The following FBXO36 variants were observed in gnomAD, a reference collection of about 807,000 sequenced individuals.
The protein encoded by FBXO36 is F-box only protein 36.
FBXO36 carries 18 observed loss-of-function variants against 17.0 expected under a neutral mutation model. The observed-to-expected ratio is 1.06, with a 90% CI of 0.73 to 1.57. FBXO36 has a LOEUF of 1.57. FBXO36 is among the 40% of genes most tolerant of loss of function. FBXO36 has a pLI of 0.00. For missense variants in FBXO36, 229 were observed against 221.9 expected, an observed-to-expected ratio of 1.03 and a Z score of -0.20; for synonymous variants, 83 against 85.3, an observed-to-expected ratio of 0.97 and a Z score of 0.15.
At chr2:229,971,991 CT>C (rs918029152) in intron 1 of FBXO36, among the ~76,000 whole-genome samples, 117 of 104,048 alleles carry the variant, frequency 1.1e-3, no homozygotes, top group African/African-American at 1.6e-3. Context: ...GTATCCAATT[CT>C]TTTTTTTTTT....
intron 2 of FBXO36, among the ~76,000 whole-genome samples, chr2:229,996,259 C>A (rs2077326659): frequency 6.6e-6 from 1 of 151,276 alleles, no homozygotes; most frequent in Non-Finnish European, 1.5e-5. Flanking sequence ...GCCTGGGCGA[C>A]CCCATCTAAA....
chr2:229,927,479 C>T (rs1269151169), intron 1 of FBXO36, among the ~76,000 whole-genome samples: 1 of 152,022 alleles, frequency 6.6e-6, no homozygotes, highest in African/African-American at 2.4e-5. Context: ...GGAAGTGTTG[C>T]TTAGGTGGCC....
At chr2:229,954,234 A>ATTTTTTTTTTATTTTTTTTTTTTTTTT (rs2077072475) in intron 1 of FBXO36, among the ~76,000 whole-genome samples, 1 of 71,378 alleles carries the variant, frequency 1.4e-5, no homozygotes, top group Non-Finnish European at 2.6e-5. Context: ...AACCCTTTGG[A>ATTTTTTTTTTATTTTTTTTTTTTTTTT]TTTTTTTTTT....
chr2:230,010,147 G>A (rs1224711152), intron 3 of FBXO36, among the ~76,000 whole-genome samples: 1 of 152,016 alleles, frequency 6.6e-6, no homozygotes, highest in Non-Finnish European at 1.5e-5. Context: ...TGTAATCCCA[G>A]CTACTTGGGA....
At chr2:229,940,812 G>A (rs1157837554) in intron 1 of FBXO36, among the ~76,000 whole-genome samples, 3 of 152,110 alleles carry the variant, frequency 2.0e-5, no homozygotes, top group African/African-American at 7.2e-5. Flanking sequence ...CCGCGATTTT[G>A]GACTTCTATC....
intron 1 of FBXO36, among the ~76,000 whole-genome samples, chr2:229,957,441 G>A (rs762806691): frequency 5.3e-5 from 8 of 152,160 alleles, no homozygotes; most frequent in Non-Finnish European, 1.0e-4. Flanking sequence ...GCTTGGCGTG[G>A]TGGCGGGCGC....
chr2:229,996,746 T>C lies in FBXO36; in HGVS notation c.206-5T>C, dbSNP rs375109352. On this transcript the variant is annotated splice_region_variant and splice_polypyrimidine_tract_variant and intron_variant, in intron 2 of 3. Transcript: ENST00000283946. ...GATAACCATGTTGGCTTCTTTGAAT[T>C]ACAGGTCAAACTGCCTTAATATTTG... is the stretch of plus-strand genomic sequence containing the variant. 52 of 1,602,572 alleles carry C rather than the reference T, an allele frequency of 3.2e-5. No individual in the cohort carries two copies. The highest frequency in any genetic ancestry group is 9.0e-5 in the South Asian group (8 of 88,578).
chr2:229,991,679 A>G (rs985194824), intron 2 of FBXO36, among the ~76,000 whole-genome samples: 6 of 152,228 alleles, frequency 3.9e-5, no homozygotes, highest in Admixed American at 2.0e-4. Flanking sequence ...TCTTAAAAAT[A>G]TCATGGGTTT....
chr2:229,933,541 C>A (rs138353586), intron 1 of FBXO36, among the ~76,000 whole-genome samples: 145 of 152,258 alleles, frequency 9.5e-4, no homozygotes, highest in African/African-American at 3.4e-3. Flanking sequence ...ATGTAACAAG[C>A]ACTCCAGGCC....
At chr2:229,987,549 A>C (rs183353927) in intron 2 of FBXO36, among the ~76,000 whole-genome samples, 1 of 151,972 alleles carries the variant, frequency 6.6e-6, no homozygotes, top group Non-Finnish European at 1.5e-5. Context: ...TTTCCTTTCT[A>C]CTACTTTCCT....
chr2:229,970,655 A>C (rs2077175779), intron 1 of FBXO36, among the ~76,000 whole-genome samples: 1 of 152,204 alleles, frequency 6.6e-6, no homozygotes. Context: ...TTCCGTGTGA[A>C]ACACTGCAGA....
At chr2:229,940,854 T>G (rs1311865869) in intron 1 of FBXO36, among the ~76,000 whole-genome samples, 1 of 152,208 alleles carries the variant, frequency 6.6e-6, no homozygotes, top group Non-Finnish European at 1.5e-5. Flanking sequence ...TTCGTGTTGT[T>G]TTAAGCCACC....
At chr2:229,930,615 G>T (rs886595629) in intron 1 of FBXO36, among the ~76,000 whole-genome samples, 2 of 152,024 alleles carry the variant, frequency 1.3e-5, no homozygotes, top group African/African-American at 4.8e-5. Flanking sequence ...TCTGGGTGTG[G>T]TGGTGGGCGC....
At chr2:229,929,922 G>A (rs140729446) in intron 1 of FBXO36, among the ~76,000 whole-genome samples, 11 of 152,220 alleles carry the variant, frequency 7.2e-5, no homozygotes, top group African/African-American at 1.4e-4. Context: ...ACTGACCACC[G>A]TCCACAGCCA....
intron 2 of FBXO36, among the ~76,000 whole-genome samples, chr2:229,977,599 C>T (rs938291733): frequency 6.6e-6 from 1 of 151,922 alleles, no homozygotes; most frequent in African/African-American, 2.4e-5. Flanking sequence ...TACGGGTGTA[C>T]ACCACCACGC....
chr2:229,926,145 A>G (rs867347144), intron 1 of FBXO36, among the ~76,000 whole-genome samples: 2,801 of 139,872 alleles, frequency 0.02, 82 homozygotes, highest in African/African-American at 0.065. Context: ...AAAAAAAAAA[A>G]GGGGGGGCTG....
intron 1 of FBXO36, among the ~76,000 whole-genome samples, chr2:229,928,714 A>G (rs1261868939): frequency 6.6e-6 from 1 of 152,126 alleles, no homozygotes; most frequent in Non-Finnish European, 1.5e-5. Flanking sequence ...CAAATTGATT[A>G]ATGATTAATT....
At position 229,948,934 on chromosome 2, in the gene FBXO36, A is replaced by G. The variant is rs535779896; in HGVS notation, c.96+26325A>G. Among the ~76,000 whole-genome samples, 3 of 152,228 alleles carry G rather than the reference A, an allele frequency of 2.0e-5. No homozygotes were observed. The East Asian group carries it at 5.8e-4, about 29-fold the overall frequency. ...CTGCAGCCTTCGCCTCCCGAGTTCA[A>G]CTGATTATCCTGCCTCAGCCTCCCT... On this transcript the variant is annotated intron_variant, in intron 1 of 3. Coordinates refer to ENST00000283946, the MANE Select transcript of FBXO36 (RefSeq NM_174899.5).
intron 2 of FBXO36, among the ~76,000 whole-genome samples, chr2:229,992,023 G>C (rs1332644837): frequency 1.3e-5 from 2 of 152,176 alleles, no homozygotes; most frequent in Non-Finnish European, 2.9e-5. Context: ...CTTTTTAAGA[G>C]ACCTTCCTTT....
Sources: allele counts gnomAD v4.1 joint callset (sites outside exome capture counted in the v4.1 genomes callset), GRCh38; gene constraint gnomAD v4.1.1; transcripts MANE v1.5; gene names NCBI Gene and HGNC (gene_info 2026-07-23, HGNC 2026-07-21).